The following UPRT variants were observed in gnomAD, a reference collection of about 807,000 sequenced individuals.
UPRT encodes the protein RP11-311P8.3.
Under a neutral mutation model 22.6 loss-of-function variants are expected in UPRT, and 5 were observed. The ratio of observed to expected loss-of-function variants is 0.22; its 90% CI spans 0.12 to 0.47. The LOEUF (loss-of-function observed/expected upper bound fraction) is 0.47. Among genes scored for constraint, UPRT ranks in the 20% least tolerant of loss-of-function variants. The pLI is 0.99. For missense variants in UPRT, 181 were observed against 239.9 expected (o/e 0.75, Z 1.62); for synonymous variants, 77 against 87.7 (o/e 0.88, Z 0.68).
At chrX:75,177,852 TTC>T (rs2082253626) in intron 4 of UPRT, among the ~76,000 whole-genome samples, 1 of 112,047 alleles carries the variant, frequency 8.9e-6, no homozygotes, top group African/African-American at 3.2e-5. Context: ...CTAGAAGTCA[TTC>T]TTATAGGAGA....
At chrX:75,177,410 C>G (rs2082251547) in intron 4 of UPRT, among the ~76,000 whole-genome samples, 1 of 111,469 alleles carries the variant, frequency 9.0e-6, no homozygotes. Context: ...AACCTGCACC[C>G]TTGCCTGTCC....
chrX:75,258,781 C>A (rs2082557862), intron 4 of UPRT, among the ~76,000 whole-genome samples: 1 of 112,035 alleles, frequency 8.9e-6, no homozygotes, highest in Non-Finnish European at 1.9e-5. Flanking sequence ...AAGGGACAGA[C>A]TCCCTCCTCA....
intron 1 of UPRT, among the ~76,000 whole-genome samples, chrX:75,284,670 T>C (rs539707476): frequency 4.5e-5 from 5 of 111,472 alleles, no homozygotes; most frequent in African/African-American, 1.6e-4. Flanking sequence ...CTGTCAGCCA[T>C]GGATACCAGT....
intron 4 of UPRT, among the ~76,000 whole-genome samples, chrX:75,229,516 G>A (rs181153933): frequency 1.8e-5 from 2 of 112,076 alleles, no homozygotes; most frequent in East Asian, 2.8e-4. Context: ...CATTGCAAAC[G>A]CTGGTGAGAC....
rs189549904 is a variant in UPRT, at chrX:75,279,626, T to C, written c.386+4986T>C. Among the ~76,000 whole-genome samples, 312 of 111,938 alleles carry C rather than the reference T, an allele frequency of 2.8e-3. 1 individual carries two copies. Among genetic ancestry groups the C allele is most frequent in the African/African-American group, 9.7e-3 (298 of 30,854 alleles). ...TAATTTCAACATTTGTTTTATTTTT[T>C]TAAAGCTTTCAGGTTTCACTTATTT... On this transcript the variant is annotated intron_variant, in intron 1 of 6. Transcript: ENST00000373383.
chrX:75,214,634 G>C (rs1291752142), intron 4 of UPRT, among the ~76,000 whole-genome samples: 1 of 112,599 alleles, frequency 8.9e-6, no homozygotes, highest in Non-Finnish European at 1.9e-5. Context: ...TTTTAGCTAG[G>C]TGTGGTGGCT....
intron 4 of UPRT, among the ~76,000 whole-genome samples, chrX:75,185,575 G>T (rs2082287162): frequency 8.9e-6 from 1 of 111,898 alleles, no homozygotes; most frequent in African/African-American, 3.2e-5. Context: ...TCTATTGATT[G>T]GAATAGTTTC....
chrX:75,179,259 G>T (rs2082260992), intron 4 of UPRT, among the ~76,000 whole-genome samples: 1 of 111,504 alleles, frequency 9.0e-6, no homozygotes, highest in Admixed American at 9.4e-5. Context: ...GGTGCTGATT[G>T]GTGTATTTAC....
At chrX:75,192,397 G>T (rs1049428363) in intron 4 of UPRT, among the ~76,000 whole-genome samples, 1 of 110,785 alleles carries the variant, frequency 9.0e-6, no homozygotes, top group Non-Finnish European at 1.9e-5. Context: ...GTCTATTTTA[G>T]AGTATGTGGC....
chrX:75,179,140 G>A (rs1328892978), intron 4 of UPRT, among the ~76,000 whole-genome samples: 1 of 111,773 alleles, frequency 8.9e-6, no homozygotes, highest in African/African-American at 3.3e-5. Flanking sequence ...GGTGCTGATT[G>A]GTGTGTTTAC....
chrX:75,220,695 A>G (rs2082407123), intron 4 of UPRT, among the ~76,000 whole-genome samples: 1 of 111,967 alleles, frequency 8.9e-6, no homozygotes, highest in African/African-American at 3.2e-5. Flanking sequence ...CAATGAAAAA[A>G]CTAATATAAA....
At chrX:75,219,738 T>G (rs1195358842) in intron 4 of UPRT, among the ~76,000 whole-genome samples, 2 of 111,199 alleles carry the variant, frequency 1.8e-5, no homozygotes, top group Admixed American at 9.6e-5. Context: ...TTATTAGAGT[T>G]AAAGAGAAAT....
At chrX:75,181,374 A>G (rs1030347200) in intron 4 of UPRT, among the ~76,000 whole-genome samples, 2 of 111,203 alleles carry the variant, frequency 1.8e-5, no homozygotes, top group African/African-American at 6.5e-5. Flanking sequence ...GTTTTTTTCT[A>G]ATTCTGTAAT....
chrX:75,228,689 G>A (rs1279396179), intron 4 of UPRT, among the ~76,000 whole-genome samples: 1 of 111,828 alleles, frequency 8.9e-6, no homozygotes, highest in Non-Finnish European at 1.9e-5. Flanking sequence ...GCAAGAAGAA[G>A]TAGCCATAAC....
intron 4 of UPRT, among the ~76,000 whole-genome samples, chrX:75,169,567 T>C (rs2082221353): frequency 8.9e-6 from 1 of 112,283 alleles, no homozygotes; most frequent in Admixed American, 9.4e-5. Flanking sequence ...TTAATTTCCA[T>C]ATATTGGCAT....
intron 1 of UPRT, among the ~76,000 whole-genome samples, chrX:75,288,332 C>T (rs1473468200): frequency 1.8e-5 from 2 of 111,265 alleles, no homozygotes; most frequent in Non-Finnish European, 3.8e-5. Context: ...TCTATGAATC[C>T]GATGAATCCA....
intron 4 of UPRT, among the ~76,000 whole-genome samples, chrX:75,177,243 AC>A (rs2082250433): frequency 2.7e-5 from 3 of 109,093 alleles, no homozygotes; most frequent in African/African-American, 1.0e-4. Flanking sequence ...AGCAGCAGAA[AC>A]AACCCCTGCC....
At chrX:75,237,296 A>G (rs1239911408) in intron 4 of UPRT, among the ~76,000 whole-genome samples, 2 of 111,813 alleles carry the variant, frequency 1.8e-5, no homozygotes, top group African/African-American at 3.3e-5. Context: ...AAGTCAGGAA[A>G]CAACAGGTGT....
At chrX:75,249,355 T>A (rs2082519542) in intron 4 of UPRT, among the ~76,000 whole-genome samples, 1 of 111,154 alleles carries the variant, frequency 9.0e-6, no homozygotes, top group Non-Finnish European at 1.9e-5. Flanking sequence ...AATAAAGGGA[T>A]GGAGGAAGAT....
Sources: allele counts gnomAD v4.1 joint callset (sites outside exome capture counted in the v4.1 genomes callset), GRCh38; gene constraint gnomAD v4.1.1; transcripts MANE v1.5; gene names NCBI Gene and HGNC (gene_info 2026-07-23, HGNC 2026-07-21).